Variants in SNX13 observed in about 807,000 individuals in gnomAD.
The protein encoded by SNX13 is sorting nexin 13, also known as sorting nexin-13.
In SNX13, 45 loss-of-function variants were observed where a neutral mutation model predicts 133.6. That is an observed-to-expected ratio of 0.34 (90% CI 0.27 to 0.43). The LOEUF is 0.43. SNX13 is among the 20% of genes least tolerant of loss of function. The probability of loss-of-function intolerance (pLI) is 1.00; values close to 1 mark genes in which losing one functional copy is unlikely to be tolerated. For missense variants in SNX13, 1,032 were observed against 1,145.1 expected (o/e 0.90, Z 1.43); for synonymous variants, 414 against 373.9 (o/e 1.11, Z -1.24).
intron 1 of SNX13, among the ~76,000 whole-genome samples, chr7:17,902,224 A>C (rs1240930600): frequency 3.3e-5 from 5 of 150,880 alleles, no homozygotes; most frequent in Admixed American, 6.7e-5. Context: ...CAGTGAAAAA[A>C]CAGTCATTAC....
At chr7:17,937,788 C>T (rs1370149887) in intron 1 of SNX13, among the ~76,000 whole-genome samples, 1 of 152,174 alleles carries the variant, frequency 6.6e-6, no homozygotes, top group East Asian at 1.9e-4. Context: ...TAAGTAAGCT[C>T]TTTCAACTTT....
chr7:17,838,621 T>C (rs1003959001), intron 13 of SNX13, among the ~76,000 whole-genome samples: 1 of 151,948 alleles, frequency 6.6e-6, no homozygotes, highest in Non-Finnish European at 1.5e-5. Flanking sequence ...TTCTAAGCAC[T>C]AAGTAGCTGC....
chr7:17,936,519 G>A (rs1317033996), intron 1 of SNX13, among the ~76,000 whole-genome samples: 1 of 152,122 alleles, frequency 6.6e-6, no homozygotes, highest in Non-Finnish European at 1.5e-5. Context: ...CAGGACAAGT[G>A]ACAACACGTT....
chr7:17,892,501 T>TA (rs977738946), intron 3 of SNX13, among the ~76,000 whole-genome samples: 373 of 137,628 alleles, frequency 2.7e-3, no homozygotes, highest in Middle Eastern at 0.011. Flanking sequence ...GACTTATAAG[T>TA]AAAAAAAAAA....
At position 17,940,393 on chromosome 7, in the gene SNX13, A is replaced by T. The variant is rs1802704233; in HGVS notation, c.-98T>A. 1 of 1,379,404 alleles carries T rather than the reference A, an allele frequency of 7.2e-7. No homozygotes were observed. The highest frequency in any genetic ancestry group is 1.0e-6 in the Non-Finnish European group (1 of 993,624). The allele number at this position is 1,379,404 out of a possible 1,614,324, so 85.4% of individuals were successfully genotyped here. A position where few individuals can be genotyped will look rare whatever the true frequency, so the allele number is the denominator to read the frequency against. On this transcript the variant is annotated 5_prime_UTR_variant, in exon 1 of 26. The change creates a new upstream start codon in the 5' untranslated region. Transcript: ENST00000428135. ...GCTCGGGCCGCCGCCAACGGCGGCA[A>T]CTGCTCCTTCAGTCTTCTCCCGGGC...
At position 17,890,394 on chromosome 7, in the gene SNX13, G is replaced by C; in HGVS notation, c.409C>G (p.Leu137Val). 2 of 1,611,246 alleles carry C rather than the reference G, an allele frequency of 1.2e-6. No individual in the cohort carries two copies. Among genetic ancestry groups the C allele is most frequent in the Non-Finnish European group, 1.7e-6 (2 of 1,178,364 alleles). ...ESFLLEIRQT[L>V]QNALIQFATR... ...GCAAACTGAATGAGTGCGTTTTGAA[G>C]AGTCTGCCTAATTTCAAGAAGAAAA... Residue 137 changes from leucine (L) to valine (V), a missense_variant, in exon 5 of 26, where the codon CTT (leucine) becomes GTT (valine). Transcript: ENST00000428135.
intron 1 of SNX13, among the ~76,000 whole-genome samples, chr7:17,938,224 C>A (rs964091140): frequency 6.6e-6 from 1 of 152,168 alleles, no homozygotes; most frequent in Non-Finnish European, 1.5e-5. Context: ...TTTCAGTTTA[C>A]TGACAATATT....
At chr7:17,926,168 G>C (rs538445725) in intron 1 of SNX13, among the ~76,000 whole-genome samples, 1 of 152,262 alleles carries the variant, frequency 6.6e-6, no homozygotes, top group Non-Finnish European at 1.5e-5. Flanking sequence ...AGAAAGTAGA[G>C]AGAAAGCAAA....
At chr7:17,931,719 A>C (rs1249002713) in intron 1 of SNX13, among the ~76,000 whole-genome samples, 1 of 152,264 alleles carries the variant, frequency 6.6e-6, no homozygotes, top group East Asian at 1.9e-4. Flanking sequence ...TTAGGAAATC[A>C]GAGAAAACAG....
rs530676876 is a variant in SNX13, at chr7:17,929,882, G to A, written c.12+10402C>T. Among the ~76,000 whole-genome samples the A allele has an allele frequency of 1.6e-3, 249 of 152,210 alleles. 1 individual carries two copies. Among genetic ancestry groups the A allele is most frequent in the Non-Finnish European group, 3.1e-3 (208 of 67,982 alleles). Reference sequence around the variant, plus strand: ...AGTATTCACTTTGGAAATGCAATACGTAAATTGAGAAGTTAGTAAAAACTG... The same window carrying A: ...AGTATTCACTTTGGAAATGCAATACATAAATTGAGAAGTTAGTAAAAACTG... On this transcript the variant is annotated intron_variant, in intron 1 of 25. Coordinates refer to ENST00000428135, the MANE Select transcript of SNX13 (RefSeq NM_015132.5).
chr7:17,800,354 T>C (rs1210784526), intron 22 of SNX13, among the ~76,000 whole-genome samples: 1 of 151,692 alleles, frequency 6.6e-6, no homozygotes, highest in Non-Finnish European at 1.5e-5. Context: ...ATCTGCCTAA[T>C]AGAACAGAAT....
chr7:17,852,550 A>C (rs1048287352), intron 9 of SNX13, among the ~76,000 whole-genome samples: 1 of 152,216 alleles, frequency 6.6e-6, no homozygotes, highest in Admixed American at 6.5e-5. Flanking sequence ...CAAGAAAGAA[A>C]GAGCAGAGAG....
intron 25 of SNX13, 169 bp downstream of exon 25, chr7:17,796,658 G>A (rs1784084735): frequency 1.2e-5 from 7 of 592,852 alleles, no homozygotes; most frequent in Admixed American, 2.8e-5. Flanking sequence ...GTACTGTCAT[G>A]AGGACTGATT....
chr7:17,940,423 G>A lies in SNX13; in HGVS notation c.-128C>T, dbSNP rs916262538. On this transcript the variant is annotated 5_prime_UTR_variant, in exon 1 of 26. Coordinates refer to ENST00000428135, the MANE Select transcript of SNX13 (RefSeq NM_015132.5). ...TCCTTCAGTCTTCTCCCGGGCGGCGGTTTTACTCGGCTTCGCTGGCCTCCC... is the reference window on the plus strand; with the variant it reads ...TCCTTCAGTCTTCTCCCGGGCGGCGATTTTACTCGGCTTCGCTGGCCTCCC... The A allele has an allele frequency of 6.2e-5, 69 of 1,104,114 alleles. No homozygotes were observed. The highest frequency in any genetic ancestry group is 5.9e-4 in the Admixed American group (30 of 50,458). 68.4% of individuals were successfully genotyped at this position (1,104,114 alleles called of 1,614,324 possible).
chr7:17,860,073 C>A (rs1298172752), intron 9 of SNX13, among the ~76,000 whole-genome samples: 1 of 152,116 alleles, frequency 6.6e-6, no homozygotes, highest in Non-Finnish European at 1.5e-5. Context: ...AAACTGTTTT[C>A]CAAAGTGTCT....
At chr7:17,800,047 A>C (rs1490470324) in intron 22 of SNX13, among the ~76,000 whole-genome samples, 1 of 151,726 alleles carries the variant, frequency 6.6e-6, no homozygotes, top group Non-Finnish European at 1.5e-5. Flanking sequence ...CAGCTTAATC[A>C]AAACCAGTAG....
intron 5 of SNX13, among the ~76,000 whole-genome samples, chr7:17,884,566 C>A (rs1200998556): frequency 6.6e-6 from 1 of 152,108 alleles, no homozygotes; most frequent in Non-Finnish European, 1.5e-5. Context: ...ACAGTAAATA[C>A]CCAATAAATT....
intron 15 of SNX13, chr7:17,830,891 A>G (rs1480470479): frequency 3.0e-6 from 3 of 984,318 alleles, no homozygotes; most frequent in Non-Finnish European, 3.6e-6. Context: ...CAACACTACT[A>G]TTCCTACAAG....
Position 17,793,870 on chromosome 7 carries a change from G to A in SNX13, c.*175C>T, listed in dbSNP as rs941288046. On this transcript the variant is annotated 3_prime_UTR_variant, in exon 26 of 26. Coordinates refer to ENST00000428135, the MANE Select transcript of SNX13 (RefSeq NM_015132.5). ...TAAGACACAGAAATCTCTCTTGGTA[G>A]TGGTGGATTATAGATGAGAATGAGA... 1.6e-6 allele frequency: 1 copy of A among 642,764 alleles called. No individual in the cohort carries two copies. Among genetic ancestry groups the A allele is most frequent in the Admixed American group, 3.6e-5 (1 of 27,718 alleles). The allele number at this position is 642,764 out of a possible 1,614,324, so 39.8% of individuals were successfully genotyped here.
Sources: allele counts gnomAD v4.1 joint callset (sites outside exome capture counted in the v4.1 genomes callset), GRCh38; gene constraint gnomAD v4.1.1; transcripts MANE v1.5; gene names NCBI Gene and HGNC (gene_info 2026-07-23, HGNC 2026-07-21).